The following ATG4C variants were observed in gnomAD, a reference collection of about 807,000 sequenced individuals.
The protein encoded by ATG4C is cysteine protease ATG4C.
ATG4C carries 56 observed loss-of-function variants against 57.6 expected under a neutral mutation model. The observed-to-expected ratio is 0.97, with a 90% CI of 0.78 to 1.21. The LOEUF is 1.21. Ranked by LOEUF, ATG4C falls within the 50% of genes most tolerant of loss-of-function variation. ATG4C has a pLI of 0.00. For missense variants in ATG4C, 595 were observed against 529.8 expected (o/e 1.12, Z -1.21); for synonymous variants, 157 against 174.1 (o/e 0.90, Z 0.78).
intron 1 of ATG4C, among the ~76,000 whole-genome samples, chr1:62,792,041 A>G (rs994128447): frequency 6.6e-6 from 1 of 152,012 alleles, no homozygotes; most frequent in Admixed American, 6.6e-5. Context: ...TTTGTCGCTC[A>G]GGCTGTCGTA....
chr1:62,829,011 T>C (rs1012397165), intron 6 of ATG4C, 29 bp from the exon 7 acceptor site: 10 of 1,572,830 alleles, frequency 6.4e-6, no homozygotes, highest in Non-Finnish European at 8.6e-6. Flanking sequence ...TATATAAAAT[T>C]TAATACATAT....
intron 1 of ATG4C, among the ~76,000 whole-genome samples, chr1:62,801,731 G>A (rs1031782319): frequency 6.6e-6 from 1 of 151,902 alleles, no homozygotes; most frequent in Non-Finnish European, 1.5e-5. Context: ...GGCCGAGGCG[G>A]GCGGATCACG....
chr1:62,805,397 A>T (rs1664845627), intron 3 of ATG4C, 142 bp downstream of exon 3: 1 of 1,208,344 alleles, frequency 8.3e-7, no homozygotes, highest in South Asian at 2.6e-5. Context: ...ATATATTACT[A>T]TGTTGTTTGG....
At chr1:62,834,008 G>T (rs1665919420) in intron 7 of ATG4C, 30 bp from the exon 8 acceptor site, 2 of 1,591,202 alleles carry the variant, frequency 1.3e-6, no homozygotes, top group Non-Finnish European at 1.7e-6. Context: ...CTTGCCTCTT[G>T]ACTAAATCTG....
chr1:62,858,413 C>T (rs1443372766), intron 10 of ATG4C, among the ~76,000 whole-genome samples: 1 of 152,166 alleles, frequency 6.6e-6, no homozygotes. Context: ...CACCTAACCC[C>T]TCAATATTTC....
intron 7 of ATG4C, among the ~76,000 whole-genome samples, chr1:62,832,809 CATAAA>C (rs1665882651): frequency 6.6e-6 from 1 of 152,044 alleles, no homozygotes; most frequent in South Asian, 2.1e-4. Flanking sequence ...ATTTTGTTGT[CATAAA>C]ATAGAATATT....
chr1:62,801,277 CG>C (rs997108711), intron 1 of ATG4C, among the ~76,000 whole-genome samples: 1 of 152,176 alleles, frequency 6.6e-6, no homozygotes, highest in African/African-American at 2.4e-5. Context: ...CTCGTTTATG[CG>C]TCAGCAGTTC....
chr1:62,823,309 C>G (rs548182825), intron 6 of ATG4C, among the ~76,000 whole-genome samples: 5 of 152,294 alleles, frequency 3.3e-5, no homozygotes, highest in African/African-American at 1.2e-4. Flanking sequence ...CCTTTTTCTT[C>G]CTATTTTCTC....
At position 62,858,638 on chromosome 1, in the gene ATG4C, A is replaced by G. The variant is rs901383207; in HGVS notation, c.1210-5354A>G. 3.9e-5 allele frequency among the ~76,000 whole-genome samples: 6 copies of G among 152,340 alleles called. No individual in the cohort carries two copies. In the South Asian group the frequency reaches 1.0e-3, roughly 26 times the overall value. On this transcript the variant is annotated intron_variant, in intron 10 of 10. Coordinates refer to ENST00000317868, the MANE Select transcript of ATG4C (RefSeq NM_032852.4). The stretch of plus-strand genomic sequence containing the variant: ...AATCGTTCAGAAAATAGAAGGAAAA[A>G]CAGGAAAGCAAAATATCTCAGAAAT...
intron 9 of ATG4C, among the ~76,000 whole-genome samples, chr1:62,839,013 C>T (rs1342525552): frequency 2.6e-5 from 4 of 152,008 alleles, no homozygotes; most frequent in Non-Finnish European, 1.5e-5. Flanking sequence ...TAAGACTATT[C>T]TGGTTTAGTA....
At chr1:62,830,200 A>G (rs1205817147) in intron 7 of ATG4C, among the ~76,000 whole-genome samples, 1 of 152,156 alleles carries the variant, frequency 6.6e-6, no homozygotes, top group Non-Finnish European at 1.5e-5. Flanking sequence ...ATACTGTAAT[A>G]TATCAATGAC....
At chr1:62,846,827 C>T (rs1666338194) in intron 10 of ATG4C, among the ~76,000 whole-genome samples, 1 of 152,204 alleles carries the variant, frequency 6.6e-6, no homozygotes, top group Non-Finnish European at 1.5e-5. Context: ...CCAAGCCTCA[C>T]TTCCCTGCCT....
intron 9 of ATG4C, among the ~76,000 whole-genome samples, chr1:62,841,000 A>G (rs1666149251): frequency 2.0e-5 from 3 of 152,244 alleles, no homozygotes; most frequent in African/African-American, 7.2e-5. Flanking sequence ...TATTTGTTTA[A>G]AAAGTCTCGA....
chr1:62,795,995 T>A (rs2100284568), intron 1 of ATG4C, among the ~76,000 whole-genome samples: 1 of 152,270 alleles, frequency 6.6e-6, no homozygotes, highest in African/African-American at 2.4e-5. Flanking sequence ...AACAGGAATT[T>A]TGGCATATCA....
chr1:62,834,649 A>G (rs1384873425), intron 8 of ATG4C, 127 bp from the exon 9 acceptor site: 10 of 681,188 alleles, frequency 1.5e-5, no homozygotes, highest in Non-Finnish European at 2.5e-5. Context: ...GTTTCAGTCA[A>G]TGAATATCAG....
At chr1:62,844,830 TAA>T (rs1666280184) in intron 10 of ATG4C, among the ~76,000 whole-genome samples, 2 of 152,090 alleles carry the variant, frequency 1.3e-5, no homozygotes, top group South Asian at 4.1e-4. Context: ...TATTTTTATA[TAA>T]AGAGATATAT....
At chr1:62,805,715 G>A (rs572286145) in intron 3 of ATG4C, among the ~76,000 whole-genome samples, 13 of 152,012 alleles carry the variant, frequency 8.6e-5, no homozygotes, top group African/African-American at 1.9e-4. Context: ...ATTGGGTGCC[G>A]GGCACCATGC....
intron 10 of ATG4C, among the ~76,000 whole-genome samples, chr1:62,854,647 T>C (rs1395793650): frequency 2.0e-5 from 3 of 152,170 alleles, no homozygotes; most frequent in African/African-American, 7.2e-5. Context: ...TTCTCTCTGT[T>C]TATATTTAAT....
chr1:62,811,406 C>T (rs549651440), intron 3 of ATG4C, among the ~76,000 whole-genome samples: 1 of 152,294 alleles, frequency 6.6e-6, no homozygotes, highest in South Asian at 2.1e-4. Context: ...CTCATTATAT[C>T]GTGCTGTGCA....
Sources: allele counts gnomAD v4.1 joint callset (sites outside exome capture counted in the v4.1 genomes callset), GRCh38; gene constraint gnomAD v4.1.1; transcripts MANE v1.5; gene names NCBI Gene and HGNC (gene_info 2026-07-23, HGNC 2026-07-21).